MOB3B: variants seen among roughly 807,000 people sequenced by gnomAD.
MOB3B encodes MOB kinase activator 3B.
In MOB3B, 7 loss-of-function variants were observed where a neutral mutation model predicts 18.7. The ratio of observed to expected loss-of-function variants is 0.37; its 90% CI spans 0.21 to 0.70. The LOEUF (loss-of-function observed/expected upper bound fraction) is 0.70, where lower values mean the gene tolerates loss of function less well. MOB3B is among the 30% of genes least tolerant of loss of function. The probability of loss-of-function intolerance (pLI) is 0.52; values close to 1 mark genes in which losing one functional copy is unlikely to be tolerated. For synonymous variants in MOB3B, 111 were observed against 99.9 expected (o/e 1.11, Z -0.66); for missense variants, 253 against 281.3 (o/e 0.90, Z 0.72).
intron 1 of MOB3B, among the ~76,000 whole-genome samples, chr9:27,528,023 T>A: frequency 6.6e-6 from 1 of 152,202 alleles, no homozygotes; most frequent in East Asian, 1.9e-4. Context: ...TCTAGCCGTA[T>A]CTGTGTTGCG....
At chr9:27,424,654 C>G (rs1445731119) in intron 2 of MOB3B, among the ~76,000 whole-genome samples, 5 of 152,166 alleles carry the variant, frequency 3.3e-5, no homozygotes, top group Non-Finnish European at 7.3e-5. Context: ...AGTGGGTGCG[C>G]AGACTCTACA....
rs1296031456 is a variant in MOB3B, at chr9:27,325,946, C to A, written c.*4641G>T. On this transcript the variant is annotated 3_prime_UTR_variant, in exon 4 of 4. Transcript: ENST00000262244. ...AAGATAAGTGTAATTCTATTCAAGTCCCTTAATGTTTTGCCAATTAAGGTT... is the reference window on the plus strand; with the variant it reads ...AAGATAAGTGTAATTCTATTCAAGTACCTTAATGTTTTGCCAATTAAGGTT... The A allele has an allele frequency of 1.3e-5, 2 of 150,282 alleles. No individual in the cohort carries two copies. The highest frequency in any genetic ancestry group is 4.9e-5 in the African/African-American group (2 of 40,808). The allele number at this position is 150,282 out of a possible 1,614,324, so 9.3% of individuals were successfully genotyped here.
At chr9:27,467,914 A>G (rs1819411065) in intron 1 of MOB3B, among the ~76,000 whole-genome samples, 1 of 152,202 alleles carries the variant, frequency 6.6e-6, no homozygotes, top group Non-Finnish European at 1.5e-5. Flanking sequence ...TTGTTGTTGT[A>G]TTGTTACTAT....
At chr9:27,371,328 C>A (rs984238408) in intron 2 of MOB3B, among the ~76,000 whole-genome samples, 6 of 152,128 alleles carry the variant, frequency 3.9e-5, no homozygotes, top group African/African-American at 1.2e-4. Context: ...CTGAAATGAA[C>A]CTGAGATAGG....
At chr9:27,480,072 A>T (rs896685792) in intron 1 of MOB3B, among the ~76,000 whole-genome samples, 15 of 152,054 alleles carry the variant, frequency 9.9e-5, no homozygotes, top group Admixed American at 9.2e-4. Context: ...AAAAAAAAAA[A>T]AAAGGCTAAG....
At position 27,336,459 on chromosome 9, in the gene MOB3B, G is replaced by A. The variant is rs374386369; in HGVS notation, c.622-5843C>T. Among the ~76,000 whole-genome samples, 33 of 152,230 alleles carry A rather than the reference G, an allele frequency of 2.2e-4. No individual in the cohort carries two copies. The East Asian group carries it at 6.2e-3, about 29-fold the overall frequency. On this transcript the variant is annotated intron_variant, in intron 3 of 3. Transcript: ENST00000262244. Reference sequence around the variant, plus strand: ...ATACTTGAAACAAAAAATAATCAAGGAAGAAAAGCAGTATGAAGAGATGTA... The same window carrying A: ...ATACTTGAAACAAAAAATAATCAAGAAAGAAAAGCAGTATGAAGAGATGTA...
intron 3 of MOB3B, among the ~76,000 whole-genome samples, chr9:27,355,726 AT>A (rs369790183): frequency 6.6e-6 from 1 of 150,402 alleles, no homozygotes; most frequent in Non-Finnish European, 1.5e-5. Context: ...TGCCTGGCTA[AT>A]TTTTTTTTGT....
chr9:27,399,003 G>C (rs890360387), intron 2 of MOB3B, among the ~76,000 whole-genome samples: 5 of 151,878 alleles, frequency 3.3e-5, no homozygotes, highest in African/African-American at 1.2e-4. Flanking sequence ...TGGGGGCAGG[G>C]GGGTGGGAAA....
At chr9:27,331,468 CTG>C (rs150050415) in intron 3 of MOB3B, among the ~76,000 whole-genome samples, 16,824 of 151,522 alleles carry the variant, frequency 0.11, 971 homozygotes, top group South Asian at 0.16. Flanking sequence ...TTGTACATCT[CTG>C]TGTGTGTGTG....
intron 3 of MOB3B, among the ~76,000 whole-genome samples, chr9:27,331,814 T>G (rs913253823): frequency 6.6e-6 from 1 of 152,036 alleles, no homozygotes; most frequent in Non-Finnish European, 1.5e-5. Context: ...CCTTATATAA[T>G]AGGAAACATC....
chr9:27,344,550 C>T (rs940190194), intron 3 of MOB3B, among the ~76,000 whole-genome samples: 3 of 152,182 alleles, frequency 2.0e-5, no homozygotes, highest in Non-Finnish European at 2.9e-5. Flanking sequence ...CTGCAGTATA[C>T]GTACAAAGGC....
intron 2 of MOB3B, among the ~76,000 whole-genome samples, chr9:27,439,691 T>TC (rs1554649487): frequency 6.6e-6 from 1 of 152,158 alleles, no homozygotes. Flanking sequence ...TTTTACTTTT[T>TC]CCCCCTCTCA....
intron 1 of MOB3B, among the ~76,000 whole-genome samples, chr9:27,478,167 G>A (rs1223232996): frequency 2.6e-5 from 4 of 152,186 alleles, no homozygotes; most frequent in African/African-American, 4.8e-5. Context: ...CTATAAAAAT[G>A]TTCCCAGAAC....
In MOB3B at chr9:27,480,631, G is replaced by C. The variant is rs1166713883; in HGVS notation, c.-198-24883C>G. 3.9e-5 allele frequency among the ~76,000 whole-genome samples: 6 copies of C among 151,912 alleles called. No individual in the cohort carries two copies. The East Asian group carries it at 9.7e-4, about 24-fold the overall frequency. On this transcript the variant is annotated intron_variant, in intron 1 of 3. Coordinates refer to ENST00000262244, the MANE Select transcript of MOB3B (RefSeq NM_024761.5). ...AATTTTTGTATTTTTAGTAGAGACA[G>C]GGTTTCACCATGTTGGCCAGGATGG...
intron 2 of MOB3B, among the ~76,000 whole-genome samples, chr9:27,453,866 C>T (rs906201641): frequency 1.3e-5 from 2 of 152,150 alleles, no homozygotes; most frequent in African/African-American, 2.4e-5. Flanking sequence ...AAGACATGAA[C>T]CTAAGAAATT....
intron 3 of MOB3B, among the ~76,000 whole-genome samples, chr9:27,331,725 G>A (rs1165074393): frequency 6.6e-6 from 1 of 152,156 alleles, no homozygotes; most frequent in Non-Finnish European, 1.5e-5. Context: ...TTAGTTAGAT[G>A]AACGATCTTC....
At chr9:27,440,306 T>G (rs1241336030) in intron 2 of MOB3B, among the ~76,000 whole-genome samples, 1 of 152,216 alleles carries the variant, frequency 6.6e-6, no homozygotes, top group Non-Finnish European at 1.5e-5. Context: ...CTGAATTCAA[T>G]TATCTATGTA....
intron 2 of MOB3B, among the ~76,000 whole-genome samples, chr9:27,368,332 A>C (rs896656503): frequency 6.8e-6 from 1 of 146,872 alleles, no homozygotes; most frequent in Non-Finnish European, 1.5e-5. Context: ...ATACATATAC[A>C]TATATATACA....
chr9:27,513,887 G>A (rs552753485), intron 1 of MOB3B, among the ~76,000 whole-genome samples: 1 of 1,042 alleles, frequency 9.6e-4, no homozygotes, highest in African/African-American at 1.5e-3. Flanking sequence ...ATAAACAGAT[G>A]GATGGATGGA....
Sources: gnomAD v4.1 joint callset for allele counts (sites outside exome capture counted in the v4.1 genomes callset) on GRCh38, gnomAD v4.1.1 for gene constraint, MANE v1.5 for transcripts, NCBI Gene and HGNC (gene_info 2026-07-23, HGNC 2026-07-21) for gene names.